Variants in ATP2C2 observed in about 807,000 individuals in gnomAD.
ATP2C2 encodes the protein calcium-transporting ATPase type 2C member 2.
In ATP2C2, 171 loss-of-function variants were observed where a neutral mutation model predicts 110.8. The observed-to-expected ratio is 1.54, with a 90% confidence interval of 1.36 to 1.75. ATP2C2 has a LOEUF of 1.75. Among genes scored for constraint, ATP2C2 ranks in the 40% most tolerant of loss-of-function variants. ATP2C2 has a pLI of 0.00. For synonymous variants in ATP2C2, 804 were observed against 508.4 expected (o/e 1.58, Z -7.82); for missense variants, 1,963 against 1,235.0 (o/e 1.59, Z -8.84).
In ATP2C2 at chr16:84,463,689, G is replaced by A. The variant is rs1375513917; in HGVS notation, c.2798G>A (p.Cys933Tyr). The A allele has an allele frequency of 1.9e-6, 3 of 1,614,198 alleles. No homozygotes were observed. Among genetic ancestry groups the A allele is most frequent in the South Asian group, 1.1e-5 (1 of 91,088 alleles). Reference protein sequence around the residue: ...SELLKLCEKYCCSPKRVQMHP... With the variant: ...SELLKLCEKYYCSPKRVQMHP... ...CTCCTCAAACTATGTGAAAAATACT[G>A]TTGCAGCCCCAAGAGAGTCCAGATG... is the stretch of plus-strand genomic sequence containing the variant. Residue 933 changes from cysteine (C) to tyrosine (Y), a missense_variant, in exon 27 of 27, where the codon TGT becomes TAT. Transcript: ENST00000262429.
intron 7 of ATP2C2, among the ~76,000 whole-genome samples, chr16:84,420,260 A>C (rs541609363): frequency 2.0e-5 from 3 of 152,108 alleles, no homozygotes; most frequent in African/African-American, 7.2e-5. Flanking sequence ...CTGAGGCAGA[A>C]ATTGTACCCC....
intron 1 of ATP2C2, among the ~76,000 whole-genome samples, chr16:84,379,618 T>G (rs74038517): frequency 0.036 from 5,418 of 152,228 alleles, 330 homozygotes; most frequent in African/African-American, 0.12. Context: ...AATCTGAGAC[T>G]CAGCAAGCCT....
intron 4 of ATP2C2, among the ~76,000 whole-genome samples, 177 bp downstream of exon 4, chr16:84,408,671 T>C (rs1457409327): frequency 2.0e-5 from 3 of 152,102 alleles, no homozygotes; most frequent in Non-Finnish European, 4.4e-5. Context: ...CAAGGTGCCC[T>C]GGTTTATTCG....
intron 3 of ATP2C2, 115 bp downstream of exon 3, chr16:84,405,359 C>G: frequency 1.2e-6 from 1 of 855,372 alleles, no homozygotes; most frequent in Non-Finnish European, 1.8e-6. Flanking sequence ...CCGCCCCTTT[C>G]ACGCTGCCCC....
chr16:84,449,328 G>C (rs1319921022), intron 17 of ATP2C2, among the ~76,000 whole-genome samples: 1 of 152,238 alleles, frequency 6.6e-6, no homozygotes, highest in East Asian at 1.9e-4. Context: ...CGAGACCCTT[G>C]CGGCTTTCTG....
rs4782970 is a variant in ATP2C2, at chr16:84,461,712, A to C, written c.2482-2A>C. 8.4e-3 allele frequency: 13,525 copies of C among 1,613,792 alleles called. 110 individuals are homozygous for C. Among genetic ancestry groups the C allele is most frequent in the Middle Eastern group, 0.013 (79 of 6,062 alleles). On this transcript the variant is annotated splice_acceptor_variant, in intron 24 of 26. Coordinates refer to ENST00000262429, the MANE Select transcript of ATP2C2 (RefSeq NM_014861.4). LOFTEE classifies it high-confidence loss of function. Reference sequence around the variant, plus strand: ...CCTCTCACCTTTGTGCTCACCTTCCAGATGCCTGAAGACAGAGCAAGCACT... The same window carrying C: ...CCTCTCACCTTTGTGCTCACCTTCCCGATGCCTGAAGACAGAGCAAGCACT...
In ATP2C2 at chr16:84,422,320, T is replaced by G. The variant is rs560828463; in HGVS notation, c.625-70T>G. On this transcript the variant is annotated intron_variant, in intron 7 of 26. Coordinates refer to ENST00000262429, the MANE Select transcript of ATP2C2 (RefSeq NM_014861.4). The stretch of plus-strand genomic sequence containing the variant: ...CATGTCCATGAAGGTGCTGGTACCA[T>G]TTTGTGCTTTTAACACCAATTCTCG... 10 of 1,531,770 alleles carry G rather than the reference T, an allele frequency of 6.5e-6. No individual in the cohort carries two copies. The East Asian group carries it at 2.3e-4, about 35-fold the overall frequency. 94.9% of individuals were successfully genotyped at this position (1,531,770 alleles called of 1,614,324 possible). A position where few individuals can be genotyped will look rare whatever the true frequency, so the allele number is the denominator to read the frequency against.
chr16:84,396,549 C>CAAAA (rs57290176), intron 1 of ATP2C2, among the ~76,000 whole-genome samples: 1 of 74,810 alleles, frequency 1.3e-5, no homozygotes, highest in South Asian at 6.0e-4. Flanking sequence ...GGCTCTATCT[C>CAAAA]AAAAAAAAAA....
At chr16:84,419,826 C>T (rs148667019) in intron 7 of ATP2C2, among the ~76,000 whole-genome samples, 2 of 152,140 alleles carry the variant, frequency 1.3e-5, no homozygotes, top group Admixed American at 6.5e-5. Flanking sequence ...TAAATCTACT[C>T]GTGACAAGTA....
At position 84,459,155 on chromosome 16, in the gene ATP2C2, A is replaced by G. The variant is rs759299713; in HGVS notation, c.2183A>G (p.Asn728Ser). The G allele has an allele frequency of 1.2e-6, 2 of 1,614,156 alleles. No homozygotes were observed. Among genetic ancestry groups the G allele is most frequent in the Admixed American group, 3.3e-5 (2 of 60,030 alleles). The change falls in exon 22 of 27, where the codon AAC (asparagine) becomes AGC (serine). Residue 728 changes from asparagine to serine, a missense_variant. Asn to Ser is a conservative substitution (Grantham distance 46, BLOSUM62 1). Transcript: ENST00000262429. ...GAGGAAGGCAAGGGTATTTTTTACA[A>G]CATCAAAAACTTTGTCCGATTCCAG... ...AVEEGKGIFYNIKNFVRFQLS... is the reference protein window; with the variant it reads ...AVEEGKGIFYSIKNFVRFQLS...
intron 7 of ATP2C2, among the ~76,000 whole-genome samples, chr16:84,416,866 G>T (rs247807): frequency 6.6e-6 from 1 of 151,950 alleles, no homozygotes; most frequent in African/African-American, 2.4e-5. Flanking sequence ...CGCCTACAAG[G>T]AGGACTGGGG....
chr16:84,421,583 G>C (rs1472185252), intron 7 of ATP2C2, among the ~76,000 whole-genome samples: 1 of 152,110 alleles, frequency 6.6e-6, no homozygotes, highest in Non-Finnish European at 1.5e-5. Context: ...TATGAACTCA[G>C]AGGTGTCTGG....
Position 84,460,526 on chromosome 16 carries a change from G to T in ATP2C2, c.2334-128G>T, listed in dbSNP as rs754634583. 8 of 1,318,442 alleles carry T rather than the reference G, an allele frequency of 6.1e-6. No homozygotes were observed. In the Admixed American group the frequency reaches 1.0e-4, roughly 17 times the overall value. 81.7% of individuals were successfully genotyped at this position (1,318,442 alleles called of 1,614,324 possible). A position where few individuals can be genotyped will look rare whatever the true frequency, so the allele number is the denominator to read the frequency against. ...AGGAGGGCAGGTGCGATGCCTGGGG[G>T]CGTTCAGCAAATGCCTGGCCCTGCC... On this transcript the variant is annotated intron_variant, in intron 23 of 26. Transcript: ENST00000262429.
intron 7 of ATP2C2, among the ~76,000 whole-genome samples, chr16:84,419,082 A>G (rs988802189): frequency 6.6e-6 from 1 of 151,612 alleles, no homozygotes; most frequent in Non-Finnish European, 1.5e-5. Context: ...GGTGGCGTGC[A>G]CCTGTAGTCC....
chr16:84,408,274 G>T (rs1905954176), intron 3 of ATP2C2, 131 bp from the exon 4 acceptor site: 17 of 829,492 alleles, frequency 2.0e-5, no homozygotes, highest in South Asian at 1.6e-4. Context: ...CCAGCCCTCG[G>T]TCACCATGGT....
chr16:84,408,653 C>T (rs543543073), intron 4 of ATP2C2, among the ~76,000 whole-genome samples, 159 bp downstream of exon 4: 3 of 152,056 alleles, frequency 2.0e-5, no homozygotes, highest in African/African-American at 7.2e-5. Context: ...CCTTCTTTAC[C>T]CTAATATCAA....
intron 17 of ATP2C2, among the ~76,000 whole-genome samples, chr16:84,449,896 C>T (rs1034574428): frequency 2.6e-5 from 4 of 152,226 alleles, no homozygotes; most frequent in Non-Finnish European, 5.9e-5. Context: ...TCTAAATCTG[C>T]ACCTGGCACT....
At chr16:84,371,374 G>A (rs543331939) in intron 1 of ATP2C2, among the ~76,000 whole-genome samples, 38 of 152,232 alleles carry the variant, frequency 2.5e-4, no homozygotes, top group African/African-American at 8.9e-4. Flanking sequence ...GCGTGGTGGT[G>A]TGCACCTGTG....
intron 6 of ATP2C2, among the ~76,000 whole-genome samples, chr16:84,414,868 G>T (rs867026275): frequency 6.6e-6 from 1 of 152,110 alleles, no homozygotes; most frequent in Non-Finnish European, 1.5e-5. Flanking sequence ...GGAGCAGGAG[G>T]GGGTTGGGAT....
Sources: allele counts gnomAD v4.1 joint callset (sites outside exome capture counted in the v4.1 genomes callset), GRCh38; gene constraint gnomAD v4.1.1; transcripts MANE v1.5; gene names NCBI Gene and HGNC (gene_info 2026-07-23, HGNC 2026-07-21).